AKAP6: variants seen among roughly 807,000 people sequenced by gnomAD.
AKAP6 encodes A-kinase anchoring protein 6.
Under a neutral mutation model 188.5 loss-of-function variants are expected in AKAP6, and 58 were observed. The observed-to-expected ratio is 0.31, with a 90% CI of 0.25 to 0.38. The LOEUF is 0.38. Among genes scored for constraint, AKAP6 ranks in the 10% least tolerant of loss-of-function variants. The pLI is 1.00. For missense variants in AKAP6, 2,710 were observed against 2,740.0 expected (o/e 0.99, Z 0.24); for synonymous variants, 989 against 998.6 (o/e 0.99, Z 0.18).
Position 32,836,809 on chromosome 14 carries a change from C to T in AKAP6, c.*7004C>T, listed in dbSNP as rs541722831. ...GCTCCCAAAGAACAAGAGAATCAAC[C>T]CCATCGTGCATTTATGTGCTGCCCC... On this transcript the variant is annotated 3_prime_UTR_variant, in exon 14 of 14. Coordinates refer to ENST00000280979, the MANE Select transcript of AKAP6 (RefSeq NM_004274.5). 7.9e-5 allele frequency: 12 copies of T among 152,154 alleles called. No individual in the cohort carries two copies. The highest frequency in any genetic ancestry group is 1.6e-4 in the Non-Finnish European group (11 of 68,032). The allele number at this position is 152,154 out of a possible 1,614,324, so 9.4% of individuals were successfully genotyped here.
intron 2 of AKAP6, among the ~76,000 whole-genome samples, chr14:32,503,779 C>G (rs1276779133): frequency 6.6e-5 from 10 of 151,872 alleles, no homozygotes; most frequent in Non-Finnish European, 1.2e-4. Flanking sequence ...ATTACTGAGA[C>G]TTTACAATAT....
chr14:32,640,447 A>T (rs1166447801), intron 7 of AKAP6, among the ~76,000 whole-genome samples: 4 of 152,152 alleles, frequency 2.6e-5, no homozygotes. Context: ...GGGGTCCATG[A>T]TCTGCCAATT....
At chr14:32,394,596 T>G (rs924667948) in intron 1 of AKAP6, among the ~76,000 whole-genome samples, 2 of 152,230 alleles carry the variant, frequency 1.3e-5, no homozygotes, top group Non-Finnish European at 2.9e-5. Flanking sequence ...CGTAGTTCTC[T>G]TTCCCTTTCT....
chr14:32,722,889 C>T (rs924786672), intron 9 of AKAP6, among the ~76,000 whole-genome samples: 1 of 152,184 alleles, frequency 6.6e-6, no homozygotes, highest in Admixed American at 6.5e-5. Flanking sequence ...CAAGCTGACT[C>T]TTCGCTAAGC....
chr14:32,685,805 A>T (rs998555656), intron 8 of AKAP6, among the ~76,000 whole-genome samples: 3 of 151,490 alleles, frequency 2.0e-5, no homozygotes, highest in African/African-American at 7.3e-5. Context: ...GCTGGCGAGG[A>T]TGTAAAGCAA....
intron 7 of AKAP6, among the ~76,000 whole-genome samples, chr14:32,635,989 G>A (rs998485347): frequency 6.6e-6 from 1 of 152,070 alleles, no homozygotes; most frequent in Non-Finnish European, 1.5e-5. Context: ...TAAGCTTACT[G>A]ATTTACATGC....
Position 32,599,239 on chromosome 14 carries a change from A to G in AKAP6, c.2470-171A>G, listed in dbSNP as rs78207199. 4.2e-3 allele frequency among the ~76,000 whole-genome samples: 639 copies of G among 152,304 alleles called. 6 individuals are homozygous for G. The highest frequency in any genetic ancestry group is 0.014 in the African/African-American group (596 of 41,576). ...GATGCACTCAGCTAATCTAATGGAA[A>G]CATTTTGAGCCCAGATCCCAAATAT... On this transcript the variant is annotated intron_variant, in intron 5 of 13. Coordinates refer to ENST00000280979, the MANE Select transcript of AKAP6 (RefSeq NM_004274.5).
At chr14:32,380,353 T>C (rs1055248828) in intron 1 of AKAP6, among the ~76,000 whole-genome samples, 7 of 152,318 alleles carry the variant, frequency 4.6e-5, no homozygotes, top group Admixed American at 6.5e-5. Context: ...GTAAATTGTT[T>C]TTATGTGTCT....
chr14:32,480,934 G>A (rs538222203), intron 2 of AKAP6, among the ~76,000 whole-genome samples: 26 of 152,260 alleles, frequency 1.7e-4, no homozygotes, highest in African/African-American at 4.6e-4. Context: ...TCTTTCTGAT[G>A]TATAAGATTG....
intron 12 of AKAP6, among the ~76,000 whole-genome samples, chr14:32,816,874 A>G (rs1258821386): frequency 6.6e-6 from 1 of 152,200 alleles, no homozygotes; most frequent in Non-Finnish European, 1.5e-5. Flanking sequence ...GGTACTGCCC[A>G]ATAAACTCCT....
At chr14:32,432,229 A>G (rs998207873) in intron 1 of AKAP6, among the ~76,000 whole-genome samples, 3 of 152,146 alleles carry the variant, frequency 2.0e-5, no homozygotes, top group African/African-American at 7.2e-5. Context: ...AGAAAAATAA[A>G]TTCATTGCCT....
chr14:32,559,594 C>A (rs2139202168), intron 4 of AKAP6, among the ~76,000 whole-genome samples: 1 of 152,174 alleles, frequency 6.6e-6, no homozygotes, highest in South Asian at 2.1e-4. Flanking sequence ...GTATGCTGGG[C>A]ACACCTCTAG....
chr14:32,644,721 T>C (rs1038613126), intron 7 of AKAP6, among the ~76,000 whole-genome samples: 1 of 152,022 alleles, frequency 6.6e-6, no homozygotes, highest in Admixed American at 6.6e-5. Context: ...CTCTATTCTC[T>C]CTCCTCACCA....
At chr14:32,812,967 G>A (rs1385435186) in intron 12 of AKAP6, among the ~76,000 whole-genome samples, 11 of 152,160 alleles carry the variant, frequency 7.2e-5, no homozygotes, top group African/African-American at 2.4e-4. Flanking sequence ...CATGAGCTGG[G>A]TGTTCTACTA....
At chr14:32,513,039 C>A (rs1309907715) in intron 2 of AKAP6, among the ~76,000 whole-genome samples, 1 of 152,118 alleles carries the variant, frequency 6.6e-6, no homozygotes, top group Non-Finnish European at 1.5e-5. Flanking sequence ...TGTCTTTACT[C>A]CCCCAGTAAT....
At chr14:32,786,308 T>TTTTG (rs1566710286) in intron 12 of AKAP6, among the ~76,000 whole-genome samples, 8 of 91,174 alleles carry the variant, frequency 8.8e-5, no homozygotes, top group South Asian at 4.1e-4. Flanking sequence ...CTTTTTTTTT[T>TTTTG]TTTTTTTTTT....
intron 7 of AKAP6, among the ~76,000 whole-genome samples, chr14:32,648,408 T>C (rs920212810): frequency 5.9e-5 from 9 of 152,146 alleles, no homozygotes; most frequent in African/African-American, 2.2e-4. Flanking sequence ...AATTGCCTTT[T>C]TGGTGAGCAC....
chr14:32,656,945 A>G (rs1888478397), intron 7 of AKAP6, among the ~76,000 whole-genome samples: 1 of 152,220 alleles, frequency 6.6e-6, no homozygotes, highest in Non-Finnish European at 1.5e-5. Context: ...TAATTAGCAG[A>G]GCATAAATAG....
At chr14:32,655,030 C>A (rs1019261700) in intron 7 of AKAP6, among the ~76,000 whole-genome samples, 8 of 152,064 alleles carry the variant, frequency 5.3e-5, no homozygotes, top group Non-Finnish European at 1.2e-4. Context: ...GAAATCACAA[C>A]TGAGAAGTTG....
Sources: gnomAD v4.1 joint callset for allele counts (sites outside exome capture counted in the v4.1 genomes callset) on GRCh38, gnomAD v4.1.1 for gene constraint, MANE v1.5 for transcripts, NCBI Gene and HGNC (gene_info 2026-07-23, HGNC 2026-07-21) for gene names.